Variants in SEPTIN3 observed in about 807,000 individuals in gnomAD.
SEPTIN3 encodes septin 3, also known as neuronal-specific septin-3.
A neutral mutation model predicts 45.1 loss-of-function variants in SEPTIN3; 15 were observed. That is an observed-to-expected ratio of 0.33 (90% CI 0.22 to 0.51). The LOEUF (loss-of-function observed/expected upper bound fraction) is 0.51. Among genes scored for constraint, SEPTIN3 ranks in the 20% least tolerant of loss-of-function variants. The pLI, the probability that SEPTIN3 is intolerant of heterozygous loss-of-function variation, is 0.97. For synonymous variants in SEPTIN3, 148 were observed against 164.8 expected (o/e 0.90, Z 0.78); for missense variants, 289 against 457.2 (o/e 0.63, Z 3.35).
At chr22:41,983,262 T>C (rs1305968386) in intron 3 of SEPTIN3, among the ~76,000 whole-genome samples, 1 of 152,224 alleles carries the variant, frequency 6.6e-6, no homozygotes, top group Non-Finnish European at 1.5e-5. Flanking sequence ...GTGTGCTCAG[T>C]GACAAGGTAG....
chr22:41,996,111 C>T, intron 11 of SEPTIN3: 1 of 985,006 alleles, frequency 1.0e-6, no homozygotes, highest in African/African-American at 1.7e-5. Context: ...TTATGTCTGT[C>T]TTTCTCTACT....
intron 11 of SEPTIN3, chr22:41,995,207 G>A: frequency 9.9e-7 from 1 of 1,009,120 alleles, no homozygotes; most frequent in Non-Finnish European, 1.2e-6. Flanking sequence ...AGTGGAGCTA[G>A]ACCTGAGTAG....
chr22:41,997,927 T>C lies in SEPTIN3; in HGVS notation c.*960T>C, dbSNP rs1441722777. The C allele has an allele frequency of 2.0e-5, 3 of 152,672 alleles. No homozygotes were observed. Among genetic ancestry groups the C allele is most frequent in the Non-Finnish European group, 4.4e-5 (3 of 68,060 alleles). The allele number at this position is 152,672 out of a possible 1,614,324, so 9.5% of individuals were successfully genotyped here. ...GCCACTGCCCCACACACTGTGTCTT[T>C]ATAGAATTCCCCTTTGCCCACCCTC... On this transcript the variant is annotated 3_prime_UTR_variant, in exon 12 of 12. Transcript: ENST00000644076.
chr22:41,995,239 C>T (rs2078410502), intron 11 of SEPTIN3: 1 of 991,766 alleles, frequency 1.0e-6, no homozygotes, highest in Non-Finnish European at 1.2e-6. Context: ...TTCAGGACAA[C>T]CCTCCTGTAA....
At chr22:41,970,809 A>G (rs1271062534) in intron 1 of SEPTIN3, among the ~76,000 whole-genome samples, 2 of 152,084 alleles carry the variant, frequency 1.3e-5, no homozygotes, top group Non-Finnish European at 2.9e-5. Flanking sequence ...AAGGGCGGGG[A>G]CCATGGCTTG....
At chr22:41,974,845 ACT>A (rs2077999960) in intron 2 of SEPTIN3, among the ~76,000 whole-genome samples, 1 of 127,428 alleles carries the variant, frequency 7.8e-6, no homozygotes, top group Non-Finnish European at 1.6e-5. Flanking sequence ...ACAGAGCGAG[ACT>A]CTGTCTCAAA....
At chr22:41,991,532 C>A in intron 7 of SEPTIN3, 41 bp from the exon 8 acceptor site, 1 of 1,448,476 alleles carries the variant, frequency 6.9e-7, no homozygotes, top group Non-Finnish European at 9.7e-7. Context: ...TTTTCCATTA[C>A]CCTGACACTT....
intron 2 of SEPTIN3, among the ~76,000 whole-genome samples, chr22:41,980,907 G>T (rs977293697): frequency 6.6e-6 from 1 of 152,078 alleles, no homozygotes; most frequent in Admixed American, 6.5e-5. Context: ...AGGGTGTCTG[G>T]GCTCCTTCAG....
chr22:41,989,494 C>A, intron 6 of SEPTIN3, 73 bp from the exon 7 acceptor site: 9 of 947,998 alleles, frequency 9.5e-6, no homozygotes, highest in Non-Finnish European at 1.4e-5. Context: ...CTGTGGGTGT[C>A]CTGGAGTGGT....
chr22:41,981,911 G>A, intron 3 of SEPTIN3, 75 bp downstream of exon 3: 1 of 1,346,934 alleles, frequency 7.4e-7, no homozygotes, highest in South Asian at 1.3e-5. Context: ...CCCCCAAATG[G>A]CTGTGACCCT....
chr22:41,977,437 G>T (rs1448698575), intron 2 of SEPTIN3, among the ~76,000 whole-genome samples: 11 of 152,014 alleles, frequency 7.2e-5, no homozygotes, highest in Non-Finnish European at 2.9e-5. Context: ...CCCCTCCCCC[G>T]CAACCCCTAC....
chr22:41,985,767 T>C (rs923257224), intron 3 of SEPTIN3: 3 of 426,520 alleles, frequency 7.0e-6, no homozygotes, highest in Non-Finnish European at 1.3e-5. Context: ...GGAGAGAATA[T>C]GGAATCCAAG....
rs759811781 is a variant in SEPTIN3, at chr22:41,992,643, TTG to T, written c.2260-17_2260-16del. On this transcript the variant is annotated intron_variant, in intron 8 of 11. Coordinates refer to ENST00000644076, the MANE Select transcript of SEPTIN3 (RefSeq NM_001363845.2). ...GGATGACGGTGCACATGTGTCTGGT[TTG>T]TGTTTCTGCCCCGTGCAGCAGGAGA... 6.5e-7 allele frequency: 1 copy of T among 1,540,168 alleles called. No individual in the cohort carries two copies. Among genetic ancestry groups the T allele is most frequent in the East Asian group, 2.3e-5 (1 of 43,802 alleles).
At chr22:41,980,379 G>C (rs893959124) in intron 2 of SEPTIN3, among the ~76,000 whole-genome samples, 3 of 151,956 alleles carry the variant, frequency 2.0e-5, no homozygotes, top group African/African-American at 7.3e-5. Flanking sequence ...CTCATGATCC[G>C]CCTGCCTTGG....
At chr22:41,993,733 A>G (rs1022880271) in intron 9 of SEPTIN3, among the ~76,000 whole-genome samples, 2 of 152,118 alleles carry the variant, frequency 1.3e-5, no homozygotes, top group African/African-American at 2.4e-5. Context: ...GGCTCCAGTA[A>G]TCCTCCTACC....
intron 3 of SEPTIN3, 102 bp from the exon 4 acceptor site, chr22:41,985,882 G>A: frequency 2.8e-6 from 4 of 1,405,592 alleles, no homozygotes; most frequent in Non-Finnish European, 3.8e-6. Context: ...GACAAGGTGT[G>A]GCCTGGATCA....
At chr22:41,973,503 CA>C (rs144943770) in intron 2 of SEPTIN3, among the ~76,000 whole-genome samples, 7,803 of 121,578 alleles carry the variant, frequency 0.064, 629 homozygotes, top group African/African-American at 0.2. Flanking sequence ...ACTAAAAGTA[CA>C]AAAAAAAAAA....
Position 41,970,915 on chromosome 22 carries a change from G to T in SEPTIN3, c.-19-559G>T, listed in dbSNP as rs191308509. On this transcript the variant is annotated intron_variant, in intron 1 of 11. Coordinates refer to ENST00000644076, the MANE Select transcript of SEPTIN3 (RefSeq NM_001363845.2). ...GGCTCTGTTTCTGACTCCAGCACTA[G>T]GCCAGCTCAGGGCTCTTTCTTGGTT... 1.6e-3 allele frequency among the ~76,000 whole-genome samples: 247 copies of T among 152,306 alleles called. 2 individuals carry two copies. The Middle Eastern group carries it at 0.024, about 15-fold the overall frequency.
chr22:41,981,900 T>TC, intron 3 of SEPTIN3, 64 bp downstream of exon 3: 1 of 1,433,250 alleles, frequency 7.0e-7, no homozygotes, highest in Non-Finnish European at 9.7e-7. Flanking sequence ...CCCATTTCTT[T>TC]CCCCCAAATG....
Sources: gnomAD v4.1 joint callset for allele counts (sites outside exome capture counted in the v4.1 genomes callset) on GRCh38, gnomAD v4.1.1 for gene constraint, MANE v1.5 for transcripts, NCBI Gene and HGNC (gene_info 2026-07-23, HGNC 2026-07-21) for gene names.